RGS6: variants seen among roughly 807,000 people sequenced by gnomAD.
The protein encoded by RGS6 is regulator of G-protein signaling 6.
A neutral mutation model predicts 78.5 loss-of-function variants in RGS6; 30 were observed. The observed-to-expected ratio is 0.38, with a 90% CI of 0.29 to 0.52. RGS6 has a LOEUF of 0.52. Among genes scored for constraint, RGS6 ranks in the 20% least tolerant of loss-of-function variants. The probability of loss-of-function intolerance (pLI) is 0.85; values close to 1 mark genes in which losing one functional copy is unlikely to be tolerated. For missense variants in RGS6, 495 were observed against 609.7 expected, an observed-to-expected ratio of 0.81 and a Z score of 1.98; for synonymous variants, 206 against 206.0, an observed-to-expected ratio of 1.00 and a Z score of 0.00.
chr14:72,284,147 G>A (rs1199135949), intron 2 of RGS6, among the ~76,000 whole-genome samples: 2 of 152,202 alleles, frequency 1.3e-5, no homozygotes, highest in African/African-American at 4.8e-5. Flanking sequence ...AGTTTTGAAA[G>A]GGAAACAGAG....
chr14:72,477,341 T>A (rs2096264217), intron 11 of RGS6: 1 of 153,932 alleles, frequency 6.5e-6, no homozygotes, highest in African/African-American at 2.4e-5. Context: ...TTATATTACT[T>A]CCTTCTGATA....
chr14:72,245,031 G>A lies in RGS6; in HGVS notation c.85-107064G>A, dbSNP rs563782944. On this transcript the variant is annotated intron_variant, in intron 2 of 17. Transcript: ENST00000553525. ...CTAGAGATAGGGTATCACCATGTTG[G>A]CCAGGCTAGTCTTGTTTTTATTATC... Among the ~76,000 whole-genome samples the A allele has an allele frequency of 2.6e-5, 4 of 152,280 alleles. No individual in the cohort carries two copies. In the South Asian group the frequency reaches 8.3e-4, roughly 32 times the overall value.
chr14:72,329,389 C>T (rs1350792561), intron 2 of RGS6, among the ~76,000 whole-genome samples: 1 of 152,268 alleles, frequency 6.6e-6, no homozygotes, highest in Middle Eastern at 3.2e-3. Context: ...CCCTCACACT[C>T]CAGGTGGGCA....
chr14:72,357,159 C>G (rs571706686), intron 3 of RGS6, among the ~76,000 whole-genome samples: 22 of 151,988 alleles, frequency 1.4e-4, no homozygotes, highest in African/African-American at 5.3e-4. Flanking sequence ...GTAATCCCAG[C>G]TACTTGGGAG....
chr14:71,997,250 A>C (rs2095240838), intron 2 of RGS6, among the ~76,000 whole-genome samples: 1 of 152,182 alleles, frequency 6.6e-6, no homozygotes, highest in South Asian at 2.1e-4. Context: ...GGCACCACTT[A>C]CTTGTGATAG....
chr14:72,456,716 A>G (rs1313702936), intron 4 of RGS6, among the ~76,000 whole-genome samples: 5 of 152,148 alleles, frequency 3.3e-5, no homozygotes, highest in African/African-American at 9.7e-5. Flanking sequence ...TCTCTGGGGA[A>G]GGAGCAACTG....
intron 3 of RGS6, among the ~76,000 whole-genome samples, chr14:72,353,241 TG>T (rs2079489363): frequency 6.6e-6 from 1 of 152,234 alleles, no homozygotes; most frequent in African/African-American, 2.4e-5. Flanking sequence ...AAAACTTGTA[TG>T]TAAGGGTTTA....
At chr14:71,889,052 G>A in the RGS6 span, among the ~76,000 whole-genome samples, 1 of 152,078 alleles carries the variant, frequency 6.6e-6, no homozygotes, top group Non-Finnish European at 1.5e-5. Context: ...GCCTTCCATT[G>A]AGAAAGAAAA....
chr14:72,332,163 A>G (rs1287886568), intron 2 of RGS6, among the ~76,000 whole-genome samples: 2 of 152,202 alleles, frequency 1.3e-5, no homozygotes, highest in East Asian at 3.9e-4. Context: ...TCTGACAGAC[A>G]CGGTGGGCTG....
chr14:71,922,183 C>T, the RGS6 span, among the ~76,000 whole-genome samples: 6 of 152,176 alleles, frequency 3.9e-5, no homozygotes, highest in African/African-American at 1.4e-4. Flanking sequence ...TATCATTTTC[C>T]GAAGTTTTTA....
chr14:72,626,131 A>C, the RGS6 span, among the ~76,000 whole-genome samples: 1,769 of 152,142 alleles, frequency 0.012, 46 homozygotes, highest in African/African-American at 0.04. Flanking sequence ...ATTTCATTTT[A>C]GTTTTTCCCT....
At chr14:72,628,522 T>C in the RGS6 span, among the ~76,000 whole-genome samples, 15 of 152,138 alleles carry the variant, frequency 9.9e-5, no homozygotes, top group Non-Finnish European at 1.2e-4. Context: ...CCTAACAAAA[T>C]AGTCAATCCA....
At chr14:72,168,133 A>AT (rs888507133) in intron 2 of RGS6, among the ~76,000 whole-genome samples, 31 of 152,338 alleles carry the variant, frequency 2.0e-4, no homozygotes, top group African/African-American at 7.2e-4. Flanking sequence ...GAGCCAGTTC[A>AT]TGGGGTCAGG....
intron 2 of RGS6, among the ~76,000 whole-genome samples, chr14:72,011,356 C>A (rs1264714708): frequency 1.3e-5 from 2 of 152,130 alleles, no homozygotes; most frequent in East Asian, 3.9e-4. Flanking sequence ...GAAATTGTGG[C>A]CTCATGATGG....
At chr14:72,121,372 A>G (rs1376702022) in intron 2 of RGS6, among the ~76,000 whole-genome samples, 2 of 152,136 alleles carry the variant, frequency 1.3e-5, no homozygotes, top group African/African-American at 2.4e-5. Context: ...TTATAGTTCC[A>G]TGGGAATGAG....
In RGS6 at chr14:72,503,002, A is replaced by G. The variant is rs116981462; in HGVS notation, c.966-7152A>G. Among the ~76,000 whole-genome samples, 124 of 152,286 alleles carry G rather than the reference A, an allele frequency of 8.1e-4. 1 individual carries two copies. In the East Asian group the frequency reaches 0.015, roughly 18 times the overall value. On this transcript the variant is annotated intron_variant, in intron 13 of 17. Coordinates refer to ENST00000553525, the MANE Select transcript of RGS6 (RefSeq NM_001204424.2). ...TGCTACAGCAAAAATGCCATATACT[A>G]TGTGGCTTAAAAACAATATAAAAAT... is the stretch of plus-strand genomic sequence containing the variant.
intron 2 of RGS6, among the ~76,000 whole-genome samples, chr14:72,091,530 T>A (rs997386564): frequency 2.0e-5 from 3 of 152,224 alleles, no homozygotes; most frequent in Admixed American, 2.0e-4. Context: ...TTGACTCATC[T>A]GAGGTTGACT....
At chr14:72,548,673 G>A (rs1415655599) in intron 17 of RGS6, among the ~76,000 whole-genome samples, 1 of 152,142 alleles carries the variant, frequency 6.6e-6, no homozygotes, top group African/African-American at 2.4e-5. Context: ...AAGTGACCCT[G>A]GAAGCCACGT....
chr14:72,011,419 C>T (rs1300048884), intron 2 of RGS6, among the ~76,000 whole-genome samples: 2 of 152,132 alleles, frequency 1.3e-5, no homozygotes, highest in African/African-American at 4.8e-5. Flanking sequence ...AACTTTCTCT[C>T]CTTACCTGCT....
Sources: gnomAD v4.1 joint callset for allele counts (sites outside exome capture counted in the v4.1 genomes callset) on GRCh38, gnomAD v4.1.1 for gene constraint, MANE v1.5 for transcripts, NCBI Gene and HGNC (gene_info 2026-07-23, HGNC 2026-07-21) for gene names.